The following CDKL4 variants were observed in gnomAD, a reference collection of about 807,000 sequenced individuals.
CDKL4 encodes the protein cyclin dependent kinase like 4, also known as cyclin-dependent kinase-like 4.
CDKL4 carries 44 observed loss-of-function variants against 42.0 expected under a neutral mutation model. That is an observed-to-expected ratio of 1.05 (90% CI 0.82 to 1.35). The LOEUF is 1.35. CDKL4 is among the 40% of genes most tolerant of loss of function. The pLI is 0.00. For synonymous variants in CDKL4, 120 were observed against 121.6 expected (o/e 0.99, Z 0.09); for missense variants, 393 against 369.9 (o/e 1.06, Z -0.51).
intron 8 of CDKL4, among the ~76,000 whole-genome samples, chr2:39,183,622 C>G (rs923747929): frequency 1.3e-5 from 2 of 152,152 alleles, no homozygotes; most frequent in African/African-American, 4.8e-5. Context: ...TGATGTCTCC[C>G]TTCTCCCTTG....
At chr2:39,221,090 T>C (rs1053562244) in intron 3 of CDKL4, among the ~76,000 whole-genome samples, 1 of 145,720 alleles carries the variant, frequency 6.9e-6, no homozygotes, top group Admixed American at 7.1e-5. Context: ...CTCAGCTCAC[T>C]GCAATCTCCG....
chr2:39,209,317 G>GAAA (rs11372337), intron 4 of CDKL4, among the ~76,000 whole-genome samples: 2 of 137,274 alleles, frequency 1.5e-5, no homozygotes, highest in African/African-American at 2.8e-5. Flanking sequence ...GTCTCAGGAA[G>GAAA]AAAAAAAAAA....
At chr2:39,217,647 C>A (rs1411489480) in intron 3 of CDKL4, among the ~76,000 whole-genome samples, 2 of 152,160 alleles carry the variant, frequency 1.3e-5, no homozygotes, top group Non-Finnish European at 2.9e-5. Flanking sequence ...CCTAAAGTCA[C>A]TCCATCCCAG....
At chr2:39,190,168 A>G in intron 6 of CDKL4, 137 bp downstream of exon 6, 1 of 610,590 alleles carries the variant, frequency 1.6e-6, no homozygotes, top group Non-Finnish European at 2.6e-6. Flanking sequence ...CAGAACTGAG[A>G]ACAACCATCC....
downstream of CDKL4, among the ~76,000 whole-genome samples, chr2:39,175,114 A>G (rs572995465): frequency 3.2e-4 from 49 of 152,202 alleles, no homozygotes; most frequent in African/African-American, 1.1e-3. Context: ...TTACAAACCA[A>G]CCTGATTAAG....
chr2:39,222,919 T>C (rs1395150901), intron 3 of CDKL4, among the ~76,000 whole-genome samples: 3 of 152,202 alleles, frequency 2.0e-5, no homozygotes, highest in African/African-American at 7.2e-5. Context: ...TAGTGCAGGA[T>C]AAAGTTTAAC....
intron 5 of CDKL4, among the ~76,000 whole-genome samples, chr2:39,195,198 C>T (rs1347527973): frequency 2.0e-5 from 3 of 152,064 alleles, no homozygotes; most frequent in Non-Finnish European, 2.9e-5. Context: ...TTTGTTTATC[C>T]ACTCATCCTT....
intron 7 of CDKL4, among the ~76,000 whole-genome samples, chr2:39,185,387 C>CACAT (rs1553381177): frequency 0.026 from 81 of 3,160 alleles, 27 homozygotes; most frequent in Non-Finnish European, 0.054. Context: ...TGTATATATA[C>CACAT]ATGTATATAT....
At chr2:39,168,209 C>T in the CDKL4 span, among the ~76,000 whole-genome samples, 187 of 152,190 alleles carry the variant, frequency 1.2e-3, 1 homozygote, top group Middle Eastern at 0.014. Flanking sequence ...TGTTAACTAA[C>T]ATATAGCTAC....
chr2:39,197,432 C>T (rs978278553), intron 5 of CDKL4, among the ~76,000 whole-genome samples: 2 of 152,006 alleles, frequency 1.3e-5, no homozygotes, highest in Admixed American at 6.6e-5. Flanking sequence ...GGAAAACTTC[C>T]CCGGCCTTGC....
chr2:39,213,618 T>C (rs903581818), intron 3 of CDKL4, 146 bp from the exon 4 acceptor site: 3 of 446,976 alleles, frequency 6.7e-6, no homozygotes, highest in African/African-American at 6.0e-5. Flanking sequence ...TTAGTGAAAA[T>C]TGGGCTTTAC....
rs910060694 is a variant in CDKL4, at chr2:39,227,986, T to C, written c.168+1379A>G. ...CAGAAGGAGCTGTTCAGGACCTACATGGACACAACATACCAAAAGCAGAAA... is the reference window on the plus strand; with the variant it reads ...CAGAAGGAGCTGTTCAGGACCTACACGGACACAACATACCAAAAGCAGAAA... On this transcript the variant is annotated intron_variant, in intron 2 of 9. Coordinates refer to ENST00000451199, the Ensembl canonical transcript of CDKL4. Among the ~76,000 whole-genome samples, 23 of 152,274 alleles carry C rather than the reference T, an allele frequency of 1.5e-4. No individual in the cohort carries two copies. The South Asian group carries it at 3.3e-3, about 22-fold the overall frequency.
At chr2:39,194,963 A>G (rs1046126241) in intron 5 of CDKL4, among the ~76,000 whole-genome samples, 1 of 151,788 alleles carries the variant, frequency 6.6e-6, no homozygotes, top group African/African-American at 2.4e-5. Context: ...TTAAACAACA[A>G]CTCCCCATTC....
At chr2:39,233,105 A>G (rs1261389919) in intron 1 of CDKL4, among the ~76,000 whole-genome samples, 1 of 149,304 alleles carries the variant, frequency 6.7e-6, no homozygotes, top group Non-Finnish European at 1.5e-5. Context: ...TAAATTCTGG[A>G]GGGGTTATCT....
chr2:39,185,369 T>C (rs13386021), intron 7 of CDKL4, among the ~76,000 whole-genome samples: 2 of 88,662 alleles, frequency 2.3e-5, no homozygotes, highest in African/African-American at 4.8e-5. Flanking sequence ...TACATATATA[T>C]ATACATATGT....
At position 39,222,289 on chromosome 2, in the gene CDKL4, C is replaced by A. The variant is rs150825593; in HGVS notation, c.290+3550G>T. On this transcript the variant is annotated intron_variant, in intron 3 of 9. Coordinates refer to ENST00000451199, the Ensembl canonical transcript of CDKL4. ...GATGTTACAAATATCTAGGATTTCACATTTTAAAGATTATGATAGGCCAGG... is the reference window on the plus strand; with the variant it reads ...GATGTTACAAATATCTAGGATTTCAAATTTTAAAGATTATGATAGGCCAGG... 8.5e-5 allele frequency among the ~76,000 whole-genome samples: 13 copies of A among 152,224 alleles called. No homozygotes were observed. The East Asian group carries it at 2.5e-3, about 29-fold the overall frequency.
chr2:39,236,437 TA>T (rs951860589), intron 1 of CDKL4, among the ~76,000 whole-genome samples: 12 of 152,096 alleles, frequency 7.9e-5, no homozygotes. Flanking sequence ...TGGAAAACAT[TA>T]ATATACAGGT....
intron 4 of CDKL4, among the ~76,000 whole-genome samples, chr2:39,211,694 T>C (rs1677594087): frequency 6.6e-6 from 1 of 151,746 alleles, no homozygotes; most frequent in African/African-American, 2.4e-5. Context: ...AGAAAATTAC[T>C]GTCACGAAAT....
At chr2:39,196,250 C>G (rs998853911) in intron 5 of CDKL4, among the ~76,000 whole-genome samples, 1 of 152,204 alleles carries the variant, frequency 6.6e-6, no homozygotes. Context: ...CAACCAAGGA[C>G]CCTCATAGAG....
Sources: gnomAD v4.1 joint callset for allele counts (sites outside exome capture counted in the v4.1 genomes callset) on GRCh38, gnomAD v4.1.1 for gene constraint, MANE v1.5 for transcripts, NCBI Gene and HGNC (gene_info 2026-07-23, HGNC 2026-07-21) for gene names.